EYA1: variants seen among roughly 807,000 people sequenced by gnomAD.
EYA1 encodes the protein EYA transcriptional coactivator and phosphatase 1.
In EYA1, 16 loss-of-function variants were observed where a neutral mutation model predicts 82.0. That is an observed-to-expected ratio of 0.20 (90% CI 0.13 to 0.30). The LOEUF is 0.30. EYA1 is among the 10% of genes least tolerant of loss of function. EYA1 has a pLI of 1.00. For missense variants in EYA1, 633 were observed against 730.7 expected, an observed-to-expected ratio of 0.87 and a Z score of 1.54; for synonymous variants, 261 against 264.4, an observed-to-expected ratio of 0.99 and a Z score of 0.12.
intron 2 of EYA1, among the ~76,000 whole-genome samples, chr8:71,487,795 T>C (rs1810685410): frequency 6.6e-6 from 1 of 152,124 alleles, no homozygotes; most frequent in African/African-American, 2.4e-5. Flanking sequence ...CCAGAATAGA[T>C]AACGTTTTAG....
At chr8:71,391,878 T>G (rs528007600) in intron 2 of EYA1, among the ~76,000 whole-genome samples, 68 of 152,310 alleles carry the variant, frequency 4.5e-4, no homozygotes, top group Non-Finnish European at 8.4e-4. Context: ...CCATTCTGAA[T>G]ATAGCATTAG....
At chr8:71,396,747 CTAAGAATGTA>C (rs974748722) in intron 2 of EYA1, among the ~76,000 whole-genome samples, 1 of 151,548 alleles carries the variant, frequency 6.6e-6, no homozygotes, top group Non-Finnish European at 1.5e-5. Flanking sequence ...TGATGTGGTG[CTAAGAATGTA>C]TATTCTGTTG....
At chr8:71,350,839 GA>G (rs1367291086) in intron 3 of EYA1, among the ~76,000 whole-genome samples, 1 of 152,034 alleles carries the variant, frequency 6.6e-6, no homozygotes, top group Non-Finnish European at 1.5e-5. Context: ...GACAACCAGC[GA>G]AAACAAAGAT....
chr8:71,333,953 T>C, intron 4 of EYA1, 144 bp downstream of exon 4: 1 of 654,110 alleles, frequency 1.5e-6, no homozygotes, highest in East Asian at 2.8e-5. Context: ...AGCAAAGCTA[T>C]TTTATATGTA....
intron 7 of EYA1, among the ~76,000 whole-genome samples, chr8:71,317,282 A>T (rs1394508098): frequency 6.6e-6 from 1 of 152,224 alleles, no homozygotes; most frequent in Non-Finnish European, 1.5e-5. Context: ...AGAAGACACA[A>T]AGGCAAAAAT....
intron 12 of EYA1, among the ~76,000 whole-genome samples, chr8:71,240,906 A>T (rs898565249): frequency 6.6e-6 from 1 of 152,206 alleles, no homozygotes; most frequent in Non-Finnish European, 1.5e-5. Context: ...TTCTCCAACC[A>T]GTCAGAAAGA....
chr8:71,202,388 T>C (rs1461892634), intron 17 of EYA1, among the ~76,000 whole-genome samples: 1 of 152,084 alleles, frequency 6.6e-6, no homozygotes, highest in African/African-American at 2.4e-5. Context: ...ACAGAACACA[T>C]GTTTTTCTTT....
intron 2 of EYA1, among the ~76,000 whole-genome samples, chr8:71,392,944 A>G (rs988382676): frequency 1.3e-5 from 2 of 152,142 alleles, no homozygotes; most frequent in Non-Finnish European, 2.9e-5. Context: ...TAGCACATAT[A>G]TGTGTTTTAT....
At chr8:71,442,670 T>C (rs892359562) in intron 2 of EYA1, among the ~76,000 whole-genome samples, 6 of 152,222 alleles carry the variant, frequency 3.9e-5, no homozygotes, top group Non-Finnish European at 5.9e-5. Context: ...TACTTTGCTA[T>C]GGGTTTCATA....
At chr8:71,295,340 G>A (rs926226343) in intron 9 of EYA1, among the ~76,000 whole-genome samples, 1 of 152,174 alleles carries the variant, frequency 6.6e-6, no homozygotes, top group African/African-American at 2.4e-5. Flanking sequence ...GATAAAAGAT[G>A]TGTATCAAAA....
intron 12 of EYA1, among the ~76,000 whole-genome samples, chr8:71,243,391 A>G (rs1052593278): frequency 1.5e-4 from 23 of 152,178 alleles, no homozygotes; most frequent in African/African-American, 5.3e-4. Context: ...TAAACTTGTC[A>G]CTCAATGGGA....
At position 71,271,869 on chromosome 8, in the gene EYA1, T is replaced by A. The variant is rs1459277344; in HGVS notation, c.855A>T (p.Thr285=). ...AEYSTIHSPS[T]PIKDSDSDRL... is the part of the protein sequence containing the mutation. ...GATCAGAATCTGAATCTTTAATGGG[T>A]GTTGATGGGCTGTGGATTGTGCTGT... The change falls in exon 10 of 18, where the codon ACA becomes ACT. Residue 285 remains threonine (T), a synonymous_variant. Coordinates refer to ENST00000340726, the MANE Select transcript of EYA1 (RefSeq NM_000503.6). The A allele has an allele frequency of 3.1e-6, 5 of 1,614,130 alleles. No homozygotes were observed. Among genetic ancestry groups the A allele is most frequent in the Non-Finnish European group, 4.2e-6 (5 of 1,180,018 alleles).
intron 2 of EYA1, among the ~76,000 whole-genome samples, chr8:71,444,436 A>C (rs1000237111): frequency 3.9e-5 from 6 of 152,246 alleles, no homozygotes; most frequent in Non-Finnish European, 5.9e-5. Context: ...TAGACCATAG[A>C]TTGAAAGGGG....
intron 2 of EYA1, among the ~76,000 whole-genome samples, chr8:71,370,243 TTGTAGGTG>T (rs1458358518): frequency 4.0e-5 from 6 of 151,864 alleles, no homozygotes; most frequent in African/African-American, 1.5e-4. Context: ...AAATAGTTCA[TTGTAGGTG>T]TGTCCACAAC....
chr8:71,336,896 CTG>C, intron 3 of EYA1, among the ~76,000 whole-genome samples: 1 of 152,294 alleles, frequency 6.6e-6, no homozygotes, highest in East Asian at 1.9e-4. Flanking sequence ...ATGCTAAAGA[CTG>C]GTGATTTATT....
intron 2 of EYA1, among the ~76,000 whole-genome samples, chr8:71,451,399 A>T (rs1807361570): frequency 6.6e-6 from 1 of 152,242 alleles, no homozygotes; most frequent in Non-Finnish European, 1.5e-5. Flanking sequence ...AGAAAATATC[A>T]TACAGTAAAT....
At position 71,322,238 on chromosome 8, in the gene EYA1, G is replaced by C. The variant is rs1414412230; in HGVS notation, c.233C>G (p.Pro78Arg). The C allele has an allele frequency of 6.2e-7, 1 of 1,613,994 alleles. No individual in the cohort carries two copies. The highest frequency in any genetic ancestry group is 1.1e-5 in the South Asian group (1 of 91,078). Residue 78 changes from proline to arginine, a missense_variant, in exon 5 of 18, where the codon CCA becomes CGA. Pro to Arg is a moderately radical substitution (Grantham distance 103). Coordinates refer to ENST00000340726, the MANE Select transcript of EYA1 (RefSeq NM_000503.6). ...AIGSSSFSPR[P>R]THQFSPPQIY... is the part of the protein sequence containing the mutation. ...CTGTGGTGGAGAGAACTGGTGAGTT[G>C]GTCGTGGGCTGAAACTACTGCTCCC...
At chr8:71,371,241 G>T (rs1828063082) in intron 2 of EYA1, among the ~76,000 whole-genome samples, 1 of 152,124 alleles carries the variant, frequency 6.6e-6, no homozygotes, top group South Asian at 2.1e-4. Context: ...AAGCCCTGGG[G>T]TGTGCTGAAG....
chr8:71,293,445 A>G (rs1819220402), intron 9 of EYA1, among the ~76,000 whole-genome samples: 1 of 152,182 alleles, frequency 6.6e-6, no homozygotes, highest in Non-Finnish European at 1.5e-5. Flanking sequence ...TGAGGCCAGC[A>G]TTACCCTAAT....
Sources: allele counts gnomAD v4.1 joint callset (sites outside exome capture counted in the v4.1 genomes callset), GRCh38; gene constraint gnomAD v4.1.1; transcripts MANE v1.5; gene names NCBI Gene and HGNC (gene_info 2026-07-23, HGNC 2026-07-21).